The following P2RY2 variants were observed in gnomAD, a reference collection of about 807,000 sequenced individuals.
P2RY2 encodes purinergic receptor P2Y2, also known as P2Y purinoceptor 2.
For missense variants in P2RY2, 567 were observed against 515.7 expected, an observed-to-expected ratio of 1.10 and a Z score of -0.96; for synonymous variants, 241 against 231.9, an observed-to-expected ratio of 1.04 and a Z score of -0.35.
chr11:73,227,348 G>A (rs1488484007), intron 1 of P2RY2, among the ~76,000 whole-genome samples: 1 of 150,382 alleles, frequency 6.6e-6, no homozygotes, highest in East Asian at 1.9e-4. Flanking sequence ...GGTCTAGACT[G>A]TGTGTGTGTG....
At position 73,235,015 on chromosome 11, in the gene P2RY2, A is replaced by G. The variant is rs544553802; in HGVS notation, c.856A>G (p.Met286Val). Residue 286 changes from methionine (M) to valine (V), a missense_variant, in exon 3 of 3, where the codon ATG becomes GTG. By Grantham distance (21) the Met-to-Val change is conservative (BLOSUM62 1). Transcript: ENST00000393597. ...LSCHTLNAIN[M>V]AYKVTRPLAS... ...CTGCCACACCCTCAACGCCATCAAC[A>G]TGGCCTACAAGGTTACCCGGCCGCT... is the stretch of plus-strand genomic sequence containing the variant. 2 of 1,608,808 alleles carry G rather than the reference A, an allele frequency of 1.2e-6. No individual in the cohort carries two copies. Among genetic ancestry groups the G allele is most frequent in the Non-Finnish European group, 1.7e-6 (2 of 1,179,956 alleles).
intron 2 of P2RY2, among the ~76,000 whole-genome samples, chr11:73,232,824 C>A (rs1269588991): frequency 6.6e-6 from 1 of 152,214 alleles, no homozygotes; most frequent in Non-Finnish European, 1.5e-5. Context: ...AACTTGCCCA[C>A]CCAGGACTTC....
At chr11:73,223,076 C>T (rs546920904) in intron 1 of P2RY2, among the ~76,000 whole-genome samples, 4 of 152,312 alleles carry the variant, frequency 2.6e-5, no homozygotes, top group African/African-American at 7.2e-5. Flanking sequence ...AAACCAAAGG[C>T]TATCAGGAGC....
Position 73,236,694 on chromosome 11 carries a change from TG to T in P2RY2, c.*1406del, listed in dbSNP as rs1278461524. 2.0e-6 allele frequency: 2 copies of T among 985,342 alleles called. No individual in the cohort carries two copies. The highest frequency in any genetic ancestry group is 2.3e-4 in the East Asian group (2 of 8,802). 61.0% of individuals were successfully genotyped at this position (985,342 alleles called of 1,614,324 possible). A position where few individuals can be genotyped will look rare whatever the true frequency, so the allele number is the denominator to read the frequency against. On this transcript the variant is annotated 3_prime_UTR_variant, in exon 3 of 3. Transcript: ENST00000393597. ...CCTGACCCTGAGGCTTCCTTTGCAC[TG>T]GGGGTAAATATGAAAGAGATTCACT...
chr11:73,219,258 G>C (rs916202949), intron 1 of P2RY2, among the ~76,000 whole-genome samples: 1 of 152,208 alleles, frequency 6.6e-6, no homozygotes, highest in Non-Finnish European at 1.5e-5. Flanking sequence ...TATGAGTTTT[G>C]AGGATCTGGG....
rs756233719 is a variant in P2RY2 at position 73,234,439 on chromosome 11, G to T, written c.280G>T (p.Ala94Ser). Reference sequence around the variant, plus strand: ...CCTGCCGCTGCTGGTCTATTACTACGCCCGCGGCGACCACTGGCCCTTCAG... The same window carrying T: ...CCTGCCGCTGCTGGTCTATTACTACTCCCGCGGCGACCACTGGCCCTTCAG... Reference protein sequence around the residue: ...ASLPLLVYYYARGDHWPFSTV... With the variant: ...ASLPLLVYYYSRGDHWPFSTV... The change falls in exon 3 of 3, where the codon GCC (alanine) becomes TCC (serine). Residue 94 changes from alanine (A) to serine (S), a missense_variant. By Grantham distance (99) the Ala-to-Ser change is moderately conservative (BLOSUM62 1). Coordinates refer to ENST00000393597, the MANE Select transcript of P2RY2 (RefSeq NM_002564.4). The T allele has an allele frequency of 2.5e-6, 4 of 1,614,026 alleles. No homozygotes were observed. Among genetic ancestry groups the T allele is most frequent in the Non-Finnish European group, 3.4e-6 (4 of 1,180,012 alleles).
Position 73,235,876 on chromosome 11 carries a change from C to T in P2RY2, c.*583C>T. ...TATCATAGACCCATCTGGAGGCTCC[C>T]ATGGGCTAGGAGCCAGTGTGAGGCT... On this transcript the variant is annotated 3_prime_UTR_variant, in exon 3 of 3. Transcript: ENST00000393597. 1.0e-6 allele frequency: 1 copy of T among 1,000,226 alleles called. No homozygotes were observed. Among genetic ancestry groups the T allele is most frequent in the Non-Finnish European group, 1.2e-6 (1 of 829,942 alleles). The allele number at this position is 1,000,226 out of a possible 1,614,324, so 62.0% of individuals were successfully genotyped here. A position where few individuals can be genotyped will look rare whatever the true frequency, so the allele number is the denominator to read the frequency against.
chr11:73,219,704 C>T (rs144400321), intron 1 of P2RY2, among the ~76,000 whole-genome samples: 8 of 152,374 alleles, frequency 5.3e-5, no homozygotes, highest in Non-Finnish European at 2.9e-5. Context: ...AGCCACCTCT[C>T]CCGCCTGACT....
In P2RY2 at chr11:73,239,157, C is replaced by T. The variant is rs952321478; in HGVS notation, c.*3864C>T. ...TGGAGGCAAATCAGCTGGGCCCTGC[C>T]CTCACAGAGTTGACATCACTTAGTA... On this transcript the variant is annotated 3_prime_UTR_variant, in exon 3 of 3. Transcript: ENST00000393597. The T allele has an allele frequency of 6.6e-6, 1 of 152,270 alleles. No homozygotes were observed. Among genetic ancestry groups the T allele is most frequent in the African/African-American group, 2.4e-5 (1 of 41,450 alleles). 9.4% of individuals were successfully genotyped at this position (152,270 alleles called of 1,614,324 possible).
chr11:73,232,992 C>T (rs1862503314), intron 2 of P2RY2, among the ~76,000 whole-genome samples: 3 of 152,134 alleles, frequency 2.0e-5, no homozygotes, highest in South Asian at 2.1e-4. Flanking sequence ...TCCCTGGGCA[C>T]TCACTGTCTG....
At chr11:73,220,631 C>T (rs1344704105) in intron 1 of P2RY2, among the ~76,000 whole-genome samples, 1 of 152,210 alleles carries the variant, frequency 6.6e-6, no homozygotes, top group Non-Finnish European at 1.5e-5. Context: ...TAAGATCCTG[C>T]ATGGGAGAGT....
In P2RY2 at chr11:73,236,896, C is replaced by A. The variant is rs1862666799; in HGVS notation, c.*1603C>A. The A allele has an allele frequency of 1.0e-6, 1 of 985,182 alleles. No homozygotes were observed. The highest frequency in any genetic ancestry group is 1.2e-6 in the Non-Finnish European group (1 of 829,776). 61.0% of individuals were successfully genotyped at this position (985,182 alleles called of 1,614,324 possible). ...TCAGCTGGACAGGGCCCCGCCCTAG[C>A]CTTTGGAAAGGGACAGGGCAAAGCT... On this transcript the variant is annotated 3_prime_UTR_variant, in exon 3 of 3. Transcript: ENST00000393597.
At position 73,240,852 on chromosome 11, in the gene P2RY2, C is replaced by A. The variant is rs1862759868; in HGVS notation, c.*5559C>A. On this transcript the variant is annotated 3_prime_UTR_variant, in exon 3 of 3. Transcript: ENST00000393597. ...GAGTGAGCCCAGTGCAGGGGCCTGA[C>A]CTTAAACCCTTTCTCCCCACTGAGT... The A allele has an allele frequency of 6.6e-6, 1 of 152,236 alleles. No homozygotes were observed. Among genetic ancestry groups the A allele is most frequent in the Non-Finnish European group, 1.5e-5 (1 of 68,066 alleles). 9.4% of individuals were successfully genotyped at this position (152,236 alleles called of 1,614,324 possible). A position where few individuals can be genotyped will look rare whatever the true frequency, so the allele number is the denominator to read the frequency against.
Position 73,237,042 on chromosome 11 carries a change from G to GT in P2RY2, c.*1750dup. The GT allele has an allele frequency of 1.0e-6, 1 of 985,274 alleles. No homozygotes were observed. Among genetic ancestry groups the GT allele is most frequent in the Non-Finnish European group, 1.2e-6 (1 of 829,880 alleles). 61.0% of individuals were successfully genotyped at this position (985,274 alleles called of 1,614,324 possible). A position where few individuals can be genotyped will look rare whatever the true frequency, so the allele number is the denominator to read the frequency against. On this transcript the variant is annotated 3_prime_UTR_variant, in exon 3 of 3. Coordinates refer to ENST00000393597, the MANE Select transcript of P2RY2 (RefSeq NM_002564.4). ...CTCTCCACCCTTCCCACTCTGCCTT[G>GT]TGAAAGGCAGGACATCCCCAAAGCT...
In P2RY2 at chr11:73,235,099, G is replaced by A. The variant is rs549007337; in HGVS notation, c.940G>A (p.Val314Ile). The A allele has an allele frequency of 2.9e-5, 46 of 1,606,090 alleles. No individual in the cohort carries two copies. In the East Asian group the frequency reaches 4.7e-4, roughly 16 times the overall value. ...CTACTTCCTGGCTGGGCAGAGGCTC[G>A]TACGCTTTGCCCGAGATGCCAAGCC... is the stretch of plus-strand genomic sequence containing the variant. ...VLYFLAGQRL[V>I]RFARDAKPPT... The change falls in exon 3 of 3, where the codon GTA becomes ATA. Residue 314 changes from valine to isoleucine, a missense_variant. Transcript: ENST00000393597.
In P2RY2 at chr11:73,238,483, G is replaced by A. The variant is rs562726326; in HGVS notation, c.*3190G>A. On this transcript the variant is annotated 3_prime_UTR_variant, in exon 3 of 3. Coordinates refer to ENST00000393597, the MANE Select transcript of P2RY2 (RefSeq NM_002564.4). ...CCTAAGCAACATGTTATCCACACAT[G>A]GTTGCTCCAGGTCAAGTCACCAAAG... Among the ~76,000 whole-genome samples the A allele has an allele frequency of 6.6e-6, 1 of 152,280 alleles. No homozygotes were observed. Among genetic ancestry groups the A allele is most frequent in the East Asian group, 1.9e-4 (1 of 5,184 alleles).
At position 73,234,855 on chromosome 11, in the gene P2RY2, C is replaced by G. The variant is rs761142552; in HGVS notation, c.696C>G (p.Thr232=). 1.2e-6 allele frequency: 2 copies of G among 1,610,570 alleles called. No homozygotes were observed. Among genetic ancestry groups the G allele is most frequent in the Admixed American group, 3.3e-5 (2 of 60,032 alleles). ...ARRLLKPAYG[T]SGGLPRAKRK... ...GACTGCTAAAGCCAGCCTACGGGAC[C>G]TCGGGCGGCCTGCCTAGGGCCAAGC... The change falls in exon 3 of 3, where the codon ACC becomes ACG. Residue 232 remains threonine (T), a synonymous_variant. Transcript: ENST00000393597.
rs751238150 is a variant in P2RY2, at chr11:73,235,277, A to G, written c.1118A>G (p.Lys373Arg). The change falls in exon 3 of 3, where the codon AAG (lysine) becomes AGG (arginine). Residue 373 changes from lysine (K) to arginine (R), a missense_variant. Lys to Arg is a conservative substitution (Grantham distance 26). Transcript: ENST00000393597. ...ESTPAGSENT[K>R]DIRL ...ACGCCGGCTGGTAGCGAGAACACTA[A>G]GGACATTCGGCTGTAGGAGCAGAAC... is the stretch of plus-strand genomic sequence containing the variant. 10 of 1,562,048 alleles carry G rather than the reference A, an allele frequency of 6.4e-6. No homozygotes were observed. The highest frequency in any genetic ancestry group is 8.7e-6 in the Non-Finnish European group (10 of 1,152,812).
chr11:73,236,728 C>T lies in P2RY2; in HGVS notation c.*1435C>T. 1 of 985,402 alleles carries T rather than the reference C, an allele frequency of 1.0e-6. No individual in the cohort carries two copies. The highest frequency in any genetic ancestry group is 1.2e-6 in the Non-Finnish European group (1 of 829,918). The allele number at this position is 985,402 out of a possible 1,614,324, so 61.0% of individuals were successfully genotyped here. A position where few individuals can be genotyped will look rare whatever the true frequency, so the allele number is the denominator to read the frequency against. Reference sequence around the variant, plus strand: ...ATATGAAAGAGATTCACTCCTCCTCCTGTCCATCGTCTGCCTTCTGGGAAA... The same window carrying T: ...ATATGAAAGAGATTCACTCCTCCTCTTGTCCATCGTCTGCCTTCTGGGAAA... On this transcript the variant is annotated 3_prime_UTR_variant, in exon 3 of 3. Coordinates refer to ENST00000393597, the MANE Select transcript of P2RY2 (RefSeq NM_002564.4).
Sources: gnomAD v4.1 joint callset for allele counts (sites outside exome capture counted in the v4.1 genomes callset) on GRCh38, gnomAD v4.1.1 for gene constraint, MANE v1.5 for transcripts, NCBI Gene and HGNC (gene_info 2026-07-23, HGNC 2026-07-21) for gene names.